Variants in ATM observed in about 807,000 individuals in gnomAD.
ATM encodes the protein serine-protein kinase ATM.
Under a neutral mutation model 387.0 loss-of-function variants are expected in ATM, and 308 were observed. The observed-to-expected ratio is 0.80, with a 90% CI of 0.73 to 0.87. ATM has a LOEUF of 0.87. Among genes scored for constraint, ATM ranks in the 40% least tolerant of loss-of-function variants. ATM has a pLI of 0.00. For synonymous variants in ATM, 1,156 were observed against 1,187.3 expected (o/e 0.97, Z 0.54); for missense variants, 3,312 against 3,560.9 (o/e 0.93, Z 1.78).
intron 22 of ATM, among the ~76,000 whole-genome samples, chr11:108,274,917 T>C (rs1266582988): frequency 2.0e-5 from 3 of 152,232 alleles, no homozygotes; most frequent in African/African-American, 7.2e-5. Context: ...AAGTCCTGAA[T>C]ATCCTTGTTA....
chr11:108,338,683 AACC>A (rs2087130290), intron 56 of ATM, among the ~76,000 whole-genome samples: 2 of 151,992 alleles, frequency 1.3e-5, no homozygotes, highest in Admixed American at 1.3e-4. Flanking sequence ...GTTGGGGGGT[AACC>A]CAGATAATTA....
At position 108,300,134 on chromosome 11, in the gene ATM, C is replaced by T. The variant is rs542104636; in HGVS notation, c.5177+249C>T. 1.2e-4 allele frequency among the ~76,000 whole-genome samples: 18 copies of T among 151,970 alleles called. No homozygotes were observed. In the East Asian group the frequency reaches 1.9e-3, roughly 16 times the overall value. ...ATTTTAGTGGGACTAGACAAATAAA[C>T]GATAAATAAGAAAAATGCCAGATGG... On this transcript the variant is annotated intron_variant, in intron 34 of 62. Transcript: ENST00000675843.
rs926574600 is a variant in ATM at position 108,246,515 on chromosome 11, C to A, written c.902-449C>A. ...TGTTCACCAGATTTTGTATAGTCAG[C>A]ATTTTAAGTTGACTGGAATGTGTCT... On this transcript the variant is annotated intron_variant, in intron 7 of 62. Coordinates refer to ENST00000675843, the MANE Select transcript of ATM (RefSeq NM_000051.4). Among the ~76,000 whole-genome samples, 5 of 152,180 alleles carry A rather than the reference C, an allele frequency of 3.3e-5. No individual in the cohort carries two copies. The East Asian group carries it at 9.6e-4, about 29-fold the overall frequency.
At chr11:108,229,439 G>A (rs2135043504) in intron 4 of ATM, 116 bp downstream of exon 4, 2 of 1,065,564 alleles carry the variant, frequency 1.9e-6, no homozygotes, top group Non-Finnish European at 1.4e-6. Context: ...GTTCTAAATA[G>A]AATAAGATAA....
chr11:108,253,663 G>A (rs1034130961), intron 12 of ATM, 151 bp from the exon 13 acceptor site: 2 of 520,396 alleles, frequency 3.8e-6, no homozygotes, highest in Non-Finnish European at 6.6e-6. Flanking sequence ...AAGAAGAGAA[G>A]CATTTAAAAG....
At chr11:108,348,071 A>G (rs2088671862) in intron 59 of ATM, among the ~76,000 whole-genome samples, 1 of 152,186 alleles carries the variant, frequency 6.6e-6, no homozygotes, top group African/African-American at 2.4e-5. Flanking sequence ...CCCCCAGATA[A>G]CTGAAGCTTC....
intron 9 of ATM, among the ~76,000 whole-genome samples, chr11:108,250,359 G>A (rs2080068844): frequency 1.3e-5 from 2 of 151,956 alleles, no homozygotes; most frequent in African/African-American, 4.8e-5. Context: ...CACCATGTTG[G>A]CCAGGCTGGT....
intron 33 of ATM, among the ~76,000 whole-genome samples, chr11:108,298,662 G>C (rs1051684444): frequency 6.6e-6 from 1 of 152,160 alleles, no homozygotes; most frequent in South Asian, 2.1e-4. Context: ...CACTACTGCT[G>C]TTCAACAGTG....
At chr11:108,279,244 A>G (rs2082098598) in intron 22 of ATM, among the ~76,000 whole-genome samples, 1 of 152,186 alleles carries the variant, frequency 6.6e-6, no homozygotes, top group Non-Finnish European at 1.5e-5. Flanking sequence ...CAATAGTTAA[A>G]ATATATTTTG....
Position 108,250,936 on chromosome 11 carries a change from A to G in ATM, c.1471A>G (p.Thr491Ala), listed in dbSNP as rs1555071008. Residue 491 changes from threonine to alanine, a missense_variant, in exon 10 of 63, where the codon ACC (threonine) becomes GCC (alanine). Around this residue, in one of 4 missense-constraint regions of ATM, gnomAD observed 1,791 missense variants for 1,804.5 expected, o/e 0.99. Transcript: ENST00000675843. Reference protein sequence around the residue: ...LKLWNKIWCITFRGISSEQIQ... With the variant: ...LKLWNKIWCIAFRGISSEQIQ... ...ACTCTGGAATAAAATTTGGTGTATT[A>G]CCTTTCGTGGTATAAGTTCTGAGCA... The G allele has an allele frequency of 6.2e-7, 1 of 1,614,056 alleles. No homozygotes were observed. Among genetic ancestry groups the G allele is most frequent in the Admixed American group, 1.7e-5 (1 of 60,006 alleles).
chr11:108,266,468 C>G (rs2081245989), intron 16 of ATM, among the ~76,000 whole-genome samples: 1 of 128,300 alleles, frequency 7.8e-6, no homozygotes, highest in African/African-American at 3.1e-5. Flanking sequence ...GGGAATATCA[C>G]ACTCTGTGGA....
rs2135317748 is a variant in ATM at position 108,250,762 on chromosome 11, T to G, written c.1297T>G (p.Ser433Ala). 1 of 1,613,376 alleles carries G rather than the reference T, an allele frequency of 6.2e-7. No homozygotes were observed. Among genetic ancestry groups the G allele is most frequent in the Non-Finnish European group, 8.5e-7 (1 of 1,179,952 alleles). ...TGCAAGTTTACCTAACTGTGAGCTG[T>G]CTCCATTACTGATGATACTATCTCA... ...YPASLPNCEL[S>A]PLLMILSQLL... Residue 433 changes from serine to alanine, a missense_variant, in exon 10 of 63, where the codon TCT (serine) becomes GCT (alanine). Physicochemically the swap from Ser to Ala is moderately conservative, Grantham distance 99. Around this residue, in one of 4 missense-constraint regions of ATM, gnomAD observed 1,791 missense variants for 1,804.5 expected, o/e 0.99. Transcript: ENST00000675843.
chr11:108,237,190 C>A (rs1377349359), intron 5 of ATM, among the ~76,000 whole-genome samples: 1 of 152,150 alleles, frequency 6.6e-6, no homozygotes, highest in Non-Finnish European at 1.5e-5. Context: ...TCATTTGTAG[C>A]CTTTACGTTA....
chr11:108,343,352 A>G lies in ATM; in HGVS notation c.8399A>G (p.Gln2800Arg), dbSNP rs879254273. The G allele has an allele frequency of 6.2e-7, 1 of 1,613,990 alleles. No homozygotes were observed. Among genetic ancestry groups the G allele is most frequent in the Non-Finnish European group, 8.5e-7 (1 of 1,179,888 alleles). Residue 2800 changes from glutamine to arginine, a missense_variant, in exon 57 of 63, where the codon CAG becomes CGG. Physicochemically the swap from Gln to Arg is conservative, Grantham distance 43 (BLOSUM62 1). Coordinates refer to ENST00000675843, the MANE Select transcript of ATM (RefSeq NM_000051.4). Reference sequence around the variant, plus strand: ...AGGCCAAATGATTTCAGTGCCTTTCAGTGCCAAAAGAAAATGATGGTGAGT... The same window carrying G: ...AGGCCAAATGATTTCAGTGCCTTTCGGTGCCAAAAGAAAATGATGGTGAGT... ...RYRPNDFSAF[Q>R]CQKKMMEVQK... is the part of the protein sequence containing the mutation.
At chr11:108,359,937 A>T (rs1302157421) in intron 61 of ATM, among the ~76,000 whole-genome samples, 2 of 152,146 alleles carry the variant, frequency 1.3e-5, no homozygotes, top group Admixed American at 6.5e-5. Context: ...GGCAAGAAAT[A>T]ACTAAAATCA....
chr11:108,244,588 C>T (rs1403245303), intron 6 of ATM, among the ~76,000 whole-genome samples, 200 bp from the exon 7 acceptor site: 1 of 151,758 alleles, frequency 6.6e-6, no homozygotes, highest in South Asian at 2.1e-4. Context: ...GGTCTCTTAA[C>T]ACCAAATAAG....
At chr11:108,347,408 T>G in intron 59 of ATM, 43 bp downstream of exon 59, 1 of 1,448,988 alleles carries the variant, frequency 6.9e-7, no homozygotes, top group East Asian at 2.3e-5. Context: ...TAGTAAATAT[T>G]TGGTCATCAT....
In ATM at chr11:108,253,594, CTATT is replaced by C. The variant is rs552308483; in HGVS notation, c.1899-219_1899-216del. Among the ~76,000 whole-genome samples, 236 of 152,120 alleles carry C rather than the reference CTATT, an allele frequency of 1.6e-3. 2 individuals carry two copies. Among genetic ancestry groups the C allele is most frequent in the Non-Finnish European group, 2.1e-3 (144 of 67,974 alleles). On this transcript the variant is annotated intron_variant, in intron 12 of 62. Transcript: ENST00000675843. ...ATTGTAACTTGTATTTTTTCTCTAT[CTATT>C]AGTAAAATTTGCTACTGAATAATGA...
At chr11:108,272,945 AT>A in intron 22 of ATM, 93 bp downstream of exon 22, 1 of 1,500,240 alleles carries the variant, frequency 6.7e-7, no homozygotes, top group South Asian at 1.1e-5. Context: ...AATATTAAAA[AT>A]AGCTAACACT....
Sources: allele counts gnomAD v4.1 joint callset (sites outside exome capture counted in the v4.1 genomes callset), GRCh38; gene constraint gnomAD v4.1.1; regional missense constraint gnomAD v4.1.1; transcripts MANE v1.5; gene names NCBI Gene and HGNC (gene_info 2026-07-23, HGNC 2026-07-21).